The following NAV2 variants were observed in gnomAD, a reference collection of about 807,000 sequenced individuals.
The protein encoded by NAV2 is helicase, APC down-regulated 1.
Under a neutral mutation model 223.2 loss-of-function variants are expected in NAV2, and 54 were observed. The observed-to-expected ratio is 0.24, with a 90% CI of 0.19 to 0.30. The LOEUF is 0.30. Ranked by LOEUF, NAV2 falls within the 10% of genes least tolerant of loss-of-function variation. NAV2 has a pLI of 1.00. For missense variants in NAV2, 2,806 were observed against 3,147.5 expected, an observed-to-expected ratio of 0.89 and a Z score of 2.60; for synonymous variants, 1,279 against 1,239.3, an observed-to-expected ratio of 1.03 and a Z score of -0.67.
intron 23 of NAV2, 81 bp from the exon 24 acceptor site, chr11:20,077,912 T>C: frequency 8.9e-7 from 1 of 1,126,400 alleles, no homozygotes; most frequent in Non-Finnish European, 1.3e-6. Context: ...CCGCTCCTCC[T>C]GTGTTGAAGC....
intron 11 of NAV2, among the ~76,000 whole-genome samples, chr11:19,989,846 C>T (rs2051151550): frequency 6.6e-6 from 1 of 152,124 alleles, no homozygotes; most frequent in South Asian, 2.1e-4. Flanking sequence ...CCTGTCTGAT[C>T]ACCCCCCAAA....
chr11:19,643,939 T>C (rs1026410766), intron 1 of NAV2, among the ~76,000 whole-genome samples: 71 of 152,272 alleles, frequency 4.7e-4, no homozygotes, highest in African/African-American at 1.6e-3. Flanking sequence ...ATGTGTGTTA[T>C]ATTTGAGCAC....
chr11:20,114,818 A>G, intron 37 of NAV2, 23 bp downstream of exon 37: 4 of 1,603,626 alleles, frequency 2.5e-6, no homozygotes, highest in Non-Finnish European at 3.4e-6. Flanking sequence ...CCACCAGAGC[A>G]GCTCAGCATT....
chr11:19,394,705 T>C (rs1849381357), intron 1 of NAV2, among the ~76,000 whole-genome samples: 1 of 152,140 alleles, frequency 6.6e-6, no homozygotes, highest in Admixed American at 6.5e-5. Flanking sequence ...GTGAAGTTGA[T>C]GAGTGAAACA....
intron 11 of NAV2, among the ~76,000 whole-genome samples, chr11:19,989,212 T>C (rs1253341535): frequency 3.9e-5 from 6 of 152,236 alleles, no homozygotes; most frequent in Non-Finnish European, 1.5e-5. Flanking sequence ...GGGAGATTAC[T>C]CTGGCTTATT....
chr11:20,107,526 T>C (rs924598036), intron 35 of NAV2, 138 bp from the exon 36 acceptor site: 5 of 687,000 alleles, frequency 7.3e-6, no homozygotes, highest in African/African-American at 5.3e-5. Flanking sequence ...CTAGTATACC[T>C]GCGTTCAGGC....
At chr11:19,570,092 C>T (rs2045382015) in intron 1 of NAV2, among the ~76,000 whole-genome samples, 1 of 152,108 alleles carries the variant, frequency 6.6e-6, no homozygotes, top group Admixed American at 6.5e-5. Context: ...GAATCACTAC[C>T]TATCACTACC....
chr11:19,655,028 C>T (rs1439984131), intron 1 of NAV2, among the ~76,000 whole-genome samples: 3 of 152,144 alleles, frequency 2.0e-5, no homozygotes, highest in Non-Finnish European at 2.9e-5. Flanking sequence ...CTACAATGAA[C>T]TCCAACAAAT....
At chr11:19,993,376 G>A (rs1017369885) in intron 11 of NAV2, among the ~76,000 whole-genome samples, 1 of 152,178 alleles carries the variant, frequency 6.6e-6, no homozygotes, top group African/African-American at 2.4e-5. Context: ...GTTTCTTAAA[G>A]CTTCTGTCTG....
chr11:19,720,199 T>C (rs2050643292), intron 1 of NAV2, among the ~76,000 whole-genome samples: 1 of 152,234 alleles, frequency 6.6e-6, no homozygotes, highest in Admixed American at 6.5e-5. Flanking sequence ...TGTCTCTTGG[T>C]CACATTTTTC....
intron 12 of NAV2, among the ~76,000 whole-genome samples, chr11:20,042,713 G>A (rs1420100523): frequency 2.0e-5 from 3 of 151,980 alleles, no homozygotes; most frequent in African/African-American, 7.2e-5. Context: ...CTTGCCAGGT[G>A]TTCATTTTAA....
intron 1 of NAV2, among the ~76,000 whole-genome samples, chr11:19,636,894 C>G (rs151338179): frequency 1.3e-5 from 2 of 152,162 alleles, no homozygotes; most frequent in African/African-American, 4.8e-5. Flanking sequence ...AGAGCCACAC[C>G]TCATGAAATG....
intron 1 of NAV2, among the ~76,000 whole-genome samples, chr11:19,679,898 A>C (rs1333789146): frequency 6.6e-6 from 1 of 152,238 alleles, no homozygotes; most frequent in Non-Finnish European, 1.5e-5. Flanking sequence ...GAGGGGCTGA[A>C]TTTAGTGCTG....
intron 1 of NAV2, among the ~76,000 whole-genome samples, chr11:19,453,971 A>G (rs1020893116): frequency 6.6e-6 from 1 of 152,142 alleles, no homozygotes. Context: ...TTGCCTCTGA[A>G]TAGCCTTCTT....
chr11:19,868,505 G>A (rs1045097426), intron 3 of NAV2, among the ~76,000 whole-genome samples: 6 of 152,174 alleles, frequency 3.9e-5, no homozygotes, highest in Non-Finnish European at 8.8e-5. Flanking sequence ...AGATTCCTGC[G>A]AAAACTCCCA....
At chr11:19,835,640 GT>G in intron 2 of NAV2, among the ~76,000 whole-genome samples, 1 of 151,664 alleles carries the variant, frequency 6.6e-6, no homozygotes, top group Non-Finnish European at 1.5e-5. Flanking sequence ...AAAAGAAAAT[GT>G]AAAAATATAT....
chr11:19,968,812 C>T (rs935305677), intron 10 of NAV2, among the ~76,000 whole-genome samples: 2 of 152,192 alleles, frequency 1.3e-5, no homozygotes, highest in African/African-American at 4.8e-5. Context: ...TTGGCTCCTA[C>T]TCTGGAGGTC....
At chr11:19,448,402 G>A (rs567112187) in intron 1 of NAV2, among the ~76,000 whole-genome samples, 4 of 152,274 alleles carry the variant, frequency 2.6e-5, no homozygotes, top group East Asian at 1.9e-4. Context: ...TTACCTTAGC[G>A]CTCTCAGCAG....
In NAV2 at chr11:19,880,364, C is replaced by G. The variant is rs531565933; in HGVS notation, c.770+237C>G. Among the ~76,000 whole-genome samples, 16 of 152,308 alleles carry G rather than the reference C, an allele frequency of 1.1e-4. No individual in the cohort carries two copies. In the South Asian group the frequency reaches 3.3e-3, roughly 32 times the overall value. On this transcript the variant is annotated intron_variant, in intron 5 of 37. Coordinates refer to ENST00000349880, the MANE Select transcript of NAV2 (RefSeq NM_145117.5). ...ATTGCCAGCAGCCAAAGCTAATTAC[C>G]TGCTCCTGCTATTACTCCGGCCTAT...
Sources: allele counts gnomAD v4.1 joint callset (sites outside exome capture counted in the v4.1 genomes callset), GRCh38; gene constraint gnomAD v4.1.1; transcripts MANE v1.5; gene names NCBI Gene and HGNC (gene_info 2026-07-23, HGNC 2026-07-21).